RAD18: variants seen among roughly 807,000 people sequenced by gnomAD.
The protein encoded by RAD18 is E3 ubiquitin-protein ligase RAD18.
A neutral mutation model predicts 60.4 loss-of-function variants in RAD18; 47 were observed. The observed-to-expected ratio is 0.78, with a 90% CI of 0.62 to 0.99. RAD18 has a LOEUF of 0.99. RAD18 is among the 50% of genes least tolerant of loss of function. The pLI, the probability that RAD18 is intolerant of heterozygous loss-of-function variation, is 0.00. For synonymous variants in RAD18, 225 were observed against 195.5 expected, an observed-to-expected ratio of 1.15 and a Z score of -1.26; for missense variants, 640 against 593.3, an observed-to-expected ratio of 1.08 and a Z score of -0.82.
At chr3:8,934,597 G>A (rs763411303) in intron 7 of RAD18, among the ~76,000 whole-genome samples, 1 of 152,168 alleles carries the variant, frequency 6.6e-6, no homozygotes, top group Non-Finnish European at 1.5e-5. Context: ...GTTGTCAAGG[G>A]TGCAGAACAA....
intron 7 of RAD18, among the ~76,000 whole-genome samples, chr3:8,917,530 T>C (rs1026561149): frequency 2.6e-5 from 4 of 151,936 alleles, no homozygotes; most frequent in Non-Finnish European, 4.4e-5. Flanking sequence ...GAGTTGGGAG[T>C]ATGCTGTTAA....
chr3:8,933,045 G>A (rs766877868), intron 7 of RAD18, among the ~76,000 whole-genome samples: 14 of 151,976 alleles, frequency 9.2e-5, no homozygotes, highest in Non-Finnish European at 1.0e-4. Flanking sequence ...ACAGTGAGCC[G>A]AGATCGCGCC....
chr3:8,897,921 A>C (rs1575535749), intron 11 of RAD18, among the ~76,000 whole-genome samples: 1 of 152,164 alleles, frequency 6.6e-6, no homozygotes, highest in East Asian at 1.9e-4. Context: ...CAAAAAAAAA[A>C]ATTAGCCAGG....
chr3:8,919,167 T>G (rs1940264423), intron 7 of RAD18, among the ~76,000 whole-genome samples: 1 of 152,066 alleles, frequency 6.6e-6, no homozygotes, highest in Non-Finnish European at 1.5e-5. Flanking sequence ...AAAATAACAT[T>G]TCAAGGGATC....
At chr3:8,921,979 G>C (rs1279030953) in intron 7 of RAD18, among the ~76,000 whole-genome samples, 2 of 152,168 alleles carry the variant, frequency 1.3e-5, no homozygotes, top group East Asian at 1.9e-4. Flanking sequence ...GGCCGAATAG[G>C]AACAGCTCCA....
intron 7 of RAD18, among the ~76,000 whole-genome samples, chr3:8,921,111 G>A (rs375256904): frequency 6.6e-6 from 1 of 152,028 alleles, no homozygotes; most frequent in East Asian, 1.9e-4. Flanking sequence ...GTAATTATAT[G>A]GACACATACA....
intron 7 of RAD18, among the ~76,000 whole-genome samples, chr3:8,934,075 T>C (rs892441750): frequency 3.9e-5 from 6 of 151,976 alleles, no homozygotes; most frequent in African/African-American, 9.7e-5. Context: ...GCTGCATCAA[T>C]TGGTTATTCA....
chr3:8,907,882 G>A (rs561534020), intron 9 of RAD18, among the ~76,000 whole-genome samples: 2 of 152,192 alleles, frequency 1.3e-5, no homozygotes, highest in Non-Finnish European at 2.9e-5. Flanking sequence ...GGCCTGCACA[G>A]AGCCTGCTCC....
intron 12 of RAD18, among the ~76,000 whole-genome samples, chr3:8,883,044 T>C (rs1263659126): frequency 1.3e-5 from 2 of 152,180 alleles, no homozygotes; most frequent in Non-Finnish European, 2.9e-5. Context: ...AAAGACTTAG[T>C]GAACTTGAAG....
chr3:8,943,829 G>A (rs1293699199), intron 4 of RAD18, among the ~76,000 whole-genome samples: 1 of 152,174 alleles, frequency 6.6e-6, no homozygotes, highest in East Asian at 1.9e-4. Context: ...ATAGCATGAA[G>A]GGTTGCCAAA....
At chr3:8,929,231 C>G (rs1482920044) in intron 7 of RAD18, among the ~76,000 whole-genome samples, 1 of 151,692 alleles carries the variant, frequency 6.6e-6, no homozygotes, top group Non-Finnish European at 1.5e-5. Context: ...TCATAAAAGA[C>G]TGGAATTCAA....
At position 8,941,760 on chromosome 3, in the gene RAD18, G is replaced by A; in HGVS notation, c.311C>T (p.Pro104Leu). Residue 104 changes from proline (P) to leucine (L), a missense_variant, in exon 5 of 13, where the codon CCT becomes CTT. Coordinates refer to ENST00000264926, the MANE Select transcript of RAD18 (RefSeq NM_020165.4). ...AAGATTCTTTGAAGAGGAAGAAGCA[G>A]GAGATTTGGCTGGTGACTCTAAAGC... ...QFALESPAKS[P>L]ASSSSKNLAV... 2 of 1,614,026 alleles carry A rather than the reference G, an allele frequency of 1.2e-6. No individual in the cohort carries two copies. Among genetic ancestry groups the A allele is most frequent in the East Asian group, 2.2e-5 (1 of 44,870 alleles).
intron 2 of RAD18, among the ~76,000 whole-genome samples, chr3:8,953,724 G>A (rs1234900326): frequency 6.6e-6 from 1 of 151,962 alleles, no homozygotes; most frequent in Non-Finnish European, 1.5e-5. Flanking sequence ...TTGGGAGAGG[G>A]GGCATCTCTA....
intron 7 of RAD18, among the ~76,000 whole-genome samples, chr3:8,926,327 A>C (rs1460463629): frequency 6.6e-6 from 1 of 152,200 alleles, no homozygotes; most frequent in Non-Finnish European, 1.5e-5. Context: ...AAGAGAATAA[A>C]ATACCTAGGA....
intron 2 of RAD18, among the ~76,000 whole-genome samples, chr3:8,951,502 G>A (rs1045448137): frequency 2.0e-5 from 3 of 152,214 alleles, no homozygotes; most frequent in Non-Finnish European, 4.4e-5. Flanking sequence ...ATTCTTCAGA[G>A]AGGAGGAAAA....
intron 4 of RAD18, among the ~76,000 whole-genome samples, chr3:8,944,310 C>T (rs904812127): frequency 6.6e-6 from 1 of 152,064 alleles, no homozygotes; most frequent in Non-Finnish European, 1.5e-5. Context: ...AAAACTTTTC[C>T]ACAAAGAAAA....
intron 2 of RAD18, among the ~76,000 whole-genome samples, chr3:8,949,261 G>A (rs2124838750): frequency 6.6e-6 from 1 of 152,298 alleles, no homozygotes; most frequent in East Asian, 1.9e-4. Context: ...AATTACCTAA[G>A]CTAATTTACT....
chr3:8,940,041 A>T (rs1002993028), intron 5 of RAD18, among the ~76,000 whole-genome samples: 2 of 152,260 alleles, frequency 1.3e-5, no homozygotes, highest in Admixed American at 1.3e-4. Context: ...TAACGACTTA[A>T]GTAAGACACA....
intron 7 of RAD18, among the ~76,000 whole-genome samples, chr3:8,932,088 AT>A (rs1171223396): frequency 6.6e-6 from 1 of 152,222 alleles, no homozygotes; most frequent in Non-Finnish European, 1.5e-5. Flanking sequence ...TGATCTTAGG[AT>A]AAGCAAATAT....
Sources: allele counts gnomAD v4.1 joint callset (sites outside exome capture counted in the v4.1 genomes callset), GRCh38; gene constraint gnomAD v4.1.1; transcripts MANE v1.5; gene names NCBI Gene and HGNC (gene_info 2026-07-23, HGNC 2026-07-21).